Variants in STOX2 observed in about 807,000 individuals in gnomAD.
STOX2 encodes storkhead box 2.
Under a neutral mutation model 60.9 loss-of-function variants are expected in STOX2, and 28 were observed. The observed-to-expected ratio is 0.46, with a 90% CI of 0.34 to 0.63. The LOEUF is 0.63. STOX2 is among the 30% of genes least tolerant of loss of function. STOX2 has a pLI of 0.01. For missense variants in STOX2, 1,024 were observed against 1,187.7 expected, an observed-to-expected ratio of 0.86 and a Z score of 2.03; for synonymous variants, 472 against 463.9, an observed-to-expected ratio of 1.02 and a Z score of -0.22.
chr4:183,955,917 G>T (rs769218235), intron 1 of STOX2, among the ~76,000 whole-genome samples: 7 of 152,138 alleles, frequency 4.6e-5, no homozygotes, highest in Non-Finnish European at 1.0e-4. Context: ...AGTTTCCCTG[G>T]AAGAGTCTAC....
intron 1 of STOX2, among the ~76,000 whole-genome samples, chr4:183,895,392 C>T (rs1741318820): frequency 6.6e-6 from 1 of 152,162 alleles, no homozygotes; most frequent in Non-Finnish European, 1.5e-5. Flanking sequence ...AACCATAGCA[C>T]TGAAGAGGGC....
intron 1 of STOX2, among the ~76,000 whole-genome samples, chr4:183,932,936 A>G (rs1483566658): frequency 6.6e-6 from 1 of 152,222 alleles, no homozygotes; most frequent in Non-Finnish European, 1.5e-5. Context: ...AAAAATAACT[A>G]GTATTTATAA....
At chr4:183,915,808 G>C (rs1348563223) in intron 1 of STOX2, among the ~76,000 whole-genome samples, 2 of 152,184 alleles carry the variant, frequency 1.3e-5, no homozygotes, top group Non-Finnish European at 2.9e-5. Flanking sequence ...TCACCCTCAG[G>C]GTCCCGGAAG....
intron 1 of STOX2, among the ~76,000 whole-genome samples, chr4:183,969,053 G>A (rs1743663374): frequency 6.6e-6 from 1 of 152,232 alleles, no homozygotes; most frequent in Admixed American, 6.5e-5. Flanking sequence ...TTTATGAGGT[G>A]TGGAACTTTA....
At chr4:183,851,566 A>C (rs1206685424) in intron 1 of STOX2, among the ~76,000 whole-genome samples, 1 of 105,628 alleles carries the variant, frequency 9.5e-6, no homozygotes, top group Non-Finnish European at 2.0e-5. Flanking sequence ...ACGATGAGGG[A>C]AAGGATGAGA....
At chr4:183,940,430 C>T (rs746591502) in intron 1 of STOX2, among the ~76,000 whole-genome samples, 1 of 152,204 alleles carries the variant, frequency 6.6e-6, no homozygotes, top group Non-Finnish European at 1.5e-5. Context: ...CCCGGTTACT[C>T]CGGGGATGTG....
rs576082127 is a variant in STOX2 at position 183,825,842 on chromosome 4, T to C, written c.364+27787T>C. 3.7e-4 allele frequency among the ~76,000 whole-genome samples: 57 copies of C among 152,110 alleles called. No homozygotes were observed. The highest frequency in any genetic ancestry group is 3.7e-3 in the Admixed American group (57 of 15,296). On this transcript the variant is annotated intron_variant, in intron 1 of 2. Coordinates refer to the STOX2 transcript ENST00000513034. This position sits in a 1 kb window ranked among gnomAD's most constrained non-coding sequence, Gnocchi z 4.1. ...CAGGCAGGGTGTGATCAAATCAGTGTTTGGGGAAGTTTAGTCTGGGAACGA... is the reference window on the plus strand; with the variant it reads ...CAGGCAGGGTGTGATCAAATCAGTGCTTGGGGAAGTTTAGTCTGGGAACGA...
At chr4:183,860,442 CAAAA>C (rs35753992) in intron 1 of STOX2, among the ~76,000 whole-genome samples, 27 of 121,508 alleles carry the variant, frequency 2.2e-4, no homozygotes, top group African/African-American at 5.9e-4. Context: ...AAACAAAAAA[CAAAA>C]AAAAAAAAAA....
At position 183,825,188 on chromosome 4, in the gene STOX2, A is replaced by G. The variant is rs1466874326; in HGVS notation, c.364+27133A>G. 6.6e-6 allele frequency among the ~76,000 whole-genome samples: 1 copy of G among 152,222 alleles called. No homozygotes were observed. The highest frequency in any genetic ancestry group is 2.4e-5 in the African/African-American group (1 of 41,464). ...TCAGGAGGTCGTGGTGGATGGTCTC[A>G]GGTCCACCATGAGGACGGCTGGGAC... On this transcript the variant is annotated intron_variant, in intron 1 of 2. Transcript: ENST00000513034. The surrounding 1 kb of genome is among the most constrained non-coding windows in gnomAD (Gnocchi z 4.1).
At chr4:183,869,052 T>G (rs1740633789) in intron 1 of STOX2, among the ~76,000 whole-genome samples, 1 of 152,244 alleles carries the variant, frequency 6.6e-6, no homozygotes, top group Non-Finnish European at 1.5e-5. Context: ...TCAGATTATT[T>G]TCTGAAACTT....
At chr4:183,987,014 T>A (rs749932462) in intron 1 of STOX2, among the ~76,000 whole-genome samples, 9 of 152,120 alleles carry the variant, frequency 5.9e-5, no homozygotes, top group Non-Finnish European at 1.3e-4. Context: ...TGTGGGAGAA[T>A]TTGCTGCAGA....
intron 1 of STOX2, among the ~76,000 whole-genome samples, chr4:183,957,257 T>C (rs1365190491): frequency 2.0e-5 from 3 of 151,772 alleles, no homozygotes; most frequent in African/African-American, 7.3e-5. Context: ...CATTTGGTTA[T>C]GGTGGTGGCA....
chr4:183,877,100 T>C (rs1263352541), intron 1 of STOX2, among the ~76,000 whole-genome samples: 1 of 152,176 alleles, frequency 6.6e-6, no homozygotes. Context: ...TTTCAAAAAA[T>C]ATGATGAGGA....
chr4:183,997,354 G>A (rs557700895), intron 1 of STOX2, among the ~76,000 whole-genome samples: 4 of 152,360 alleles, frequency 2.6e-5, no homozygotes, highest in African/African-American at 7.2e-5. Flanking sequence ...AGAGGAGGTC[G>A]TGAGTGGCAA....
intron 1 of STOX2, among the ~76,000 whole-genome samples, chr4:183,924,188 C>T (rs763359249): frequency 6.6e-6 from 1 of 152,164 alleles, no homozygotes; most frequent in African/African-American, 2.4e-5. Context: ...AGCAAACCAG[C>T]GTTGCCTGTT....
At chr4:183,816,172 T>C (rs1739148841) in intron 1 of STOX2, among the ~76,000 whole-genome samples, 1 of 152,244 alleles carries the variant, frequency 6.6e-6, no homozygotes, top group Admixed American at 6.5e-5. Context: ...ATATTGGATA[T>C]ATTTTTAAAA....
chr4:183,989,532 G>A (rs1303063821), intron 1 of STOX2, among the ~76,000 whole-genome samples: 1 of 152,078 alleles, frequency 6.6e-6, no homozygotes, highest in Non-Finnish European at 1.5e-5. Context: ...TTAATATATA[G>A]TGCCCGAAAT....
In STOX2 at chr4:184,021,993, T is replaced by C. The variant is rs1243210352; in HGVS notation, c.*4709T>C. The C allele has an allele frequency of 6.6e-6, 1 of 152,104 alleles. No homozygotes were observed. Among genetic ancestry groups the C allele is most frequent in the Non-Finnish European group, 1.5e-5 (1 of 68,072 alleles). The allele number at this position is 152,104 out of a possible 1,614,324, so 9.4% of individuals were successfully genotyped here. On this transcript the variant is annotated 3_prime_UTR_variant, in exon 4 of 4. Coordinates refer to ENST00000308497, the MANE Select transcript of STOX2 (RefSeq NM_020225.3). ...CATCCAGGGCTCTTCTGGTAGTGAG[T>C]GACTTTTCTGCACATGTTTAGGGCT...
intron 1 of STOX2, among the ~76,000 whole-genome samples, chr4:183,979,888 T>C (rs1281654717): frequency 6.6e-6 from 1 of 152,204 alleles, no homozygotes; most frequent in African/African-American, 2.4e-5. Context: ...GGAACTAATA[T>C]TTTAGGCCCG....
Sources: gnomAD v4.1 joint callset for allele counts (sites outside exome capture counted in the v4.1 genomes callset) on GRCh38, gnomAD v4.1.1 for gene constraint, Gnocchi (gnomAD v3.1) non-coding constraint, MANE v1.5 for transcripts, NCBI Gene and HGNC (gene_info 2026-07-23, HGNC 2026-07-21) for gene names.